CPQ: variants seen among roughly 807,000 people sequenced by gnomAD.
CPQ encodes the protein carboxypeptidase Q.
A neutral mutation model predicts 45.7 loss-of-function variants in CPQ; 37 were observed. The observed-to-expected ratio is 0.81, with a 90% confidence interval of 0.62 to 1.07. The LOEUF is 1.07. Among genes scored for constraint, CPQ ranks in the 50% least tolerant of loss-of-function variants. CPQ has a pLI of 0.00. For synonymous variants in CPQ, 186 were observed against 205.8 expected, an observed-to-expected ratio of 0.90 and a Z score of 0.82; for missense variants, 537 against 572.9, an observed-to-expected ratio of 0.94 and a Z score of 0.64.
At chr8:96,907,063 T>C (rs1218249343) in intron 4 of CPQ, among the ~76,000 whole-genome samples, 1 of 152,208 alleles carries the variant, frequency 6.6e-6, no homozygotes, top group Admixed American at 6.5e-5. Context: ...TAATATATTT[T>C]GTATTTGTAA....
At chr8:97,038,318 T>G (rs13267088) in intron 6 of CPQ, among the ~76,000 whole-genome samples, 7 of 152,238 alleles carry the variant, frequency 4.6e-5, no homozygotes, top group African/African-American at 1.4e-4. Context: ...CTTCAGCTTG[T>G]ATCTAGTCTG....
At chr8:97,088,267 T>C (rs1348857665) in intron 7 of CPQ, among the ~76,000 whole-genome samples, 1 of 152,214 alleles carries the variant, frequency 6.6e-6, no homozygotes, top group Non-Finnish European at 1.5e-5. Flanking sequence ...TAAATGTTCA[T>C]CTTTGATCAA....
intron 7 of CPQ, among the ~76,000 whole-genome samples, chr8:97,104,803 T>A (rs1398807353): frequency 1.3e-5 from 2 of 152,172 alleles, no homozygotes; most frequent in Non-Finnish European, 2.9e-5. Context: ...AGATTTAGTC[T>A]AGGTCATCAT....
At chr8:97,102,556 G>A (rs1811332205) in intron 7 of CPQ, among the ~76,000 whole-genome samples, 2 of 152,108 alleles carry the variant, frequency 1.3e-5, no homozygotes, top group Non-Finnish European at 2.9e-5. Context: ...TTTTGATTAG[G>A]AACATGGTCC....
intron 4 of CPQ, among the ~76,000 whole-genome samples, chr8:96,892,322 G>A (rs992663200): frequency 6.6e-6 from 1 of 152,142 alleles, no homozygotes; most frequent in Non-Finnish European, 1.5e-5. Flanking sequence ...ATGCAGTTTT[G>A]CCTTTCATCT....
chr8:96,702,848 TG>T lies in CPQ; in HGVS notation c.-35+57453del, dbSNP rs528890994. 3.9e-5 allele frequency among the ~76,000 whole-genome samples: 6 copies of T among 152,168 alleles called. 1 individual carries two copies. The highest frequency in any genetic ancestry group is 4.2e-4 in the South Asian group (2 of 4,816). ...ATATTTTGCATTTTTGTGCTTTTTT[TG>T]GGGGGGTTGTGATTTTGCTGTTTAA... On this transcript the variant is annotated intron_variant, in intron 1 of 7. Coordinates refer to ENST00000220763, the MANE Select transcript of CPQ (RefSeq NM_016134.4).
chr8:97,018,958 A>G (rs1809627884), intron 5 of CPQ, among the ~76,000 whole-genome samples: 1 of 152,216 alleles, frequency 6.6e-6, no homozygotes, highest in South Asian at 2.1e-4. Flanking sequence ...AGATGAAGGA[A>G]AGAATCTTAA....
chr8:97,098,555 A>C (rs985060755), intron 7 of CPQ, among the ~76,000 whole-genome samples: 2 of 152,170 alleles, frequency 1.3e-5, no homozygotes, highest in African/African-American at 4.8e-5. Context: ...ATAAGTCTAG[A>C]AAACATAACC....
chr8:96,775,770 C>CT (rs1810596861), intron 1 of CPQ, among the ~76,000 whole-genome samples: 1 of 152,196 alleles, frequency 6.6e-6, no homozygotes, highest in South Asian at 2.1e-4. Context: ...ACATAGCTGT[C>CT]TGTCTAGTGT....
intron 3 of CPQ, among the ~76,000 whole-genome samples, chr8:96,863,836 CACTT>C (rs1329786781): frequency 6.6e-6 from 1 of 152,004 alleles, no homozygotes; most frequent in Admixed American, 6.6e-5. Context: ...ACTGGAAAGT[CACTT>C]AATGGCTTTT....
Position 96,675,850 on chromosome 8 carries a change from A to G in CPQ, c.-35+30448A>G, listed in dbSNP as rs554075450. On this transcript the variant is annotated intron_variant, in intron 1 of 7. Transcript: ENST00000220763. ...TGTTTATATATTTTCTTGCTTTTAG[A>G]AAATATTATTGATCCTTTTCTTATT... 5.9e-5 allele frequency among the ~76,000 whole-genome samples: 9 copies of G among 152,160 alleles called. No individual in the cohort carries two copies. In the South Asian group the frequency reaches 1.9e-3, roughly 32 times the overall value.
intron 5 of CPQ, among the ~76,000 whole-genome samples, chr8:96,976,122 G>A (rs1813776093): frequency 6.6e-6 from 1 of 151,642 alleles, no homozygotes; most frequent in South Asian, 2.1e-4. Context: ...CCTAAAACTA[G>A]CAAATGAATT....
chr8:96,978,765 G>T (rs1813832084), intron 5 of CPQ, among the ~76,000 whole-genome samples: 1 of 152,116 alleles, frequency 6.6e-6, no homozygotes, highest in South Asian at 2.1e-4. Flanking sequence ...TATCCTTAGT[G>T]CCCCAGTGGA....
chr8:96,659,378 G>A (rs538231117), intron 1 of CPQ: 3 of 152,252 alleles, frequency 2.0e-5, no homozygotes, highest in South Asian at 2.1e-4. Context: ...CAGATTTTAG[G>A]GTGGTAGTTT....
At chr8:96,650,460 C>A (rs1049859787) in intron 1 of CPQ, among the ~76,000 whole-genome samples, 2 of 152,170 alleles carry the variant, frequency 1.3e-5, no homozygotes, top group Non-Finnish European at 2.9e-5. Context: ...GCAGGTGCAG[C>A]CAGGCATTAT....
intron 4 of CPQ, among the ~76,000 whole-genome samples, chr8:96,904,972 C>A (rs1812557376): frequency 6.6e-6 from 1 of 152,062 alleles, no homozygotes; most frequent in Non-Finnish European, 1.5e-5. Flanking sequence ...GCTTTGAGGT[C>A]CTCAGTAGAC....
At chr8:97,101,950 C>T (rs927415317) in intron 7 of CPQ, among the ~76,000 whole-genome samples, 1 of 134,522 alleles carries the variant, frequency 7.4e-6, no homozygotes, top group Non-Finnish European at 1.5e-5. Context: ...CTCCCTCCCT[C>T]CCTCTCTCTC....
intron 7 of CPQ, among the ~76,000 whole-genome samples, chr8:97,096,295 A>G (rs115537362): frequency 2.8e-3 from 423 of 152,310 alleles, no homozygotes; most frequent in African/African-American, 9.4e-3. Flanking sequence ...AGAAATCATT[A>G]TCTATGTCCT....
intron 1 of CPQ, among the ~76,000 whole-genome samples, chr8:96,779,426 A>G (rs6468517): frequency 1 from 152,087 of 152,264 alleles, 75,955 homozygotes; most frequent in Middle Eastern, 1. Flanking sequence ...AAATGCATAT[A>G]GTTTCCTATA....
Sources: gnomAD v4.1 joint callset for allele counts (sites outside exome capture counted in the v4.1 genomes callset) on GRCh38, gnomAD v4.1.1 for gene constraint, MANE v1.5 for transcripts, NCBI Gene and HGNC (gene_info 2026-07-23, HGNC 2026-07-21) for gene names.